The following UBE2E2 variants were observed in gnomAD, a reference collection of about 807,000 sequenced individuals.
UBE2E2 encodes ubiquitin conjugating enzyme E2 E2.
UBE2E2 carries 6 observed loss-of-function variants against 24.7 expected under a neutral mutation model. The observed-to-expected ratio is 0.24, with a 90% CI of 0.13 to 0.48. The LOEUF is 0.48. UBE2E2 is among the 20% of genes least tolerant of loss of function. The pLI, the probability that UBE2E2 is intolerant of heterozygous loss-of-function variation, is 0.99. For missense variants in UBE2E2, 169 were observed against 245.0 expected (o/e 0.69, Z 2.07); for synonymous variants, 104 against 83.6 (o/e 1.24, Z -1.33).
chr3:23,465,725 C>T (rs1698906963), intron 3 of UBE2E2, among the ~76,000 whole-genome samples: 2 of 152,202 alleles, frequency 1.3e-5, no homozygotes, highest in African/African-American at 4.8e-5. Context: ...GCATAACTGG[C>T]TTTTTTCCTT....
intron 3 of UBE2E2, among the ~76,000 whole-genome samples, chr3:23,317,918 C>T (rs1442125369): frequency 6.6e-6 from 1 of 151,732 alleles, no homozygotes; most frequent in African/African-American, 2.4e-5. Context: ...TGTGATCGCT[C>T]ACCTGATTTT....
intron 5 of UBE2E2, among the ~76,000 whole-genome samples, chr3:23,574,980 G>A (rs944505458): frequency 2.6e-5 from 4 of 152,138 alleles, no homozygotes; most frequent in Non-Finnish European, 4.4e-5. Context: ...CAAAGGAAAT[G>A]CGCATTGGAG....
chr3:23,492,252 A>G (rs1699515609), intron 3 of UBE2E2, among the ~76,000 whole-genome samples: 1 of 152,202 alleles, frequency 6.6e-6, no homozygotes, highest in Non-Finnish European at 1.5e-5. Flanking sequence ...GGTGCAATAT[A>G]TAGTTTGAAT....
chr3:23,295,788 G>T (rs1698892183), intron 3 of UBE2E2, among the ~76,000 whole-genome samples: 1 of 152,084 alleles, frequency 6.6e-6, no homozygotes, highest in Non-Finnish European at 1.5e-5. Flanking sequence ...TCTAGGGATT[G>T]CCTTAAAGCT....
chr3:23,549,572 A>G (rs1695597007), intron 5 of UBE2E2, among the ~76,000 whole-genome samples: 1 of 152,174 alleles, frequency 6.6e-6, no homozygotes, highest in Non-Finnish European at 1.5e-5. Context: ...TGAATTAAAG[A>G]TTGTACTTCT....
intron 3 of UBE2E2, among the ~76,000 whole-genome samples, chr3:23,338,416 A>G (rs1695275233): frequency 6.6e-6 from 1 of 152,182 alleles, no homozygotes; most frequent in South Asian, 2.1e-4. Context: ...GAATGGAGAT[A>G]AAGAGAAGGT....
intron 3 of UBE2E2, among the ~76,000 whole-genome samples, chr3:23,250,903 G>A (rs1408801895): frequency 6.6e-6 from 1 of 152,226 alleles, no homozygotes; most frequent in East Asian, 1.9e-4. Context: ...TGTCGCCCAG[G>A]CTGGCATGCA....
At chr3:23,458,658 C>T (rs977943622) in intron 3 of UBE2E2, among the ~76,000 whole-genome samples, 10 of 152,062 alleles carry the variant, frequency 6.6e-5, no homozygotes, top group African/African-American at 2.2e-4. Context: ...ACCTCGTGAT[C>T]CGCCCACCTC....
intron 3 of UBE2E2, among the ~76,000 whole-genome samples, chr3:23,430,006 A>G (rs1698020144): frequency 6.6e-6 from 1 of 152,100 alleles, no homozygotes; most frequent in South Asian, 2.1e-4. Flanking sequence ...TCAGCCTCCC[A>G]TGCAGCTGGG....
At chr3:23,544,999 T>G (rs1695485154) in intron 5 of UBE2E2, among the ~76,000 whole-genome samples, 1 of 152,198 alleles carries the variant, frequency 6.6e-6, no homozygotes, top group African/African-American at 2.4e-5. Context: ...CATAAACATC[T>G]CAATGCTTTA....
chr3:23,330,395 A>G (rs1471477233), intron 3 of UBE2E2, among the ~76,000 whole-genome samples: 1 of 152,252 alleles, frequency 6.6e-6, no homozygotes, highest in Non-Finnish European at 1.5e-5. Flanking sequence ...GAATCCTTAC[A>G]AAAGTAAACT....
chr3:23,478,385 TCACC>T (rs1205950405), intron 3 of UBE2E2, among the ~76,000 whole-genome samples: 1 of 152,124 alleles, frequency 6.6e-6, no homozygotes. Context: ...AACAGACTGA[TCACC>T]AAAGGAAATT....
intron 3 of UBE2E2, among the ~76,000 whole-genome samples, chr3:23,261,370 T>A (rs1697897489): frequency 1.3e-5 from 2 of 152,200 alleles, no homozygotes; most frequent in African/African-American, 4.8e-5. Flanking sequence ...GTATATGACA[T>A]GGTGATTTGA....
intron 3 of UBE2E2, among the ~76,000 whole-genome samples, chr3:23,498,864 C>T (rs936564593): frequency 6.6e-6 from 1 of 152,042 alleles, no homozygotes; most frequent in Non-Finnish European, 1.5e-5. Flanking sequence ...CTCATGTGGG[C>T]CATATTGTTT....
intron 3 of UBE2E2, among the ~76,000 whole-genome samples, chr3:23,485,854 A>T (rs772337073): frequency 6.6e-6 from 1 of 152,200 alleles, no homozygotes; most frequent in Non-Finnish European, 1.5e-5. Flanking sequence ...AGAAAATGGA[A>T]ATTAGAGCCT....
At chr3:23,450,790 A>T (rs1698546226) in intron 3 of UBE2E2, among the ~76,000 whole-genome samples, 1 of 152,146 alleles carries the variant, frequency 6.6e-6, no homozygotes, top group African/African-American at 2.4e-5. Flanking sequence ...TTTCTTTTTA[A>T]TGAGAATATA....
chr3:23,456,326 C>T (rs1184222086), intron 3 of UBE2E2, among the ~76,000 whole-genome samples: 2 of 152,180 alleles, frequency 1.3e-5, no homozygotes, highest in African/African-American at 2.4e-5. Flanking sequence ...ATATTTTGAC[C>T]TCATCTCATG....
rs10645761 is a variant in UBE2E2, at chr3:23,382,178, A to ATTTTT, written c.228-117413_228-117409dup. ...ACTCTTCATAATTACGAATACTTTA[A>ATTTTT]TTTTTTTTTTTTTTTTTTTTTGAGA... On this transcript the variant is annotated intron_variant, in intron 3 of 5. Coordinates refer to ENST00000396703, the MANE Select transcript of UBE2E2 (RefSeq NM_152653.4). Among the ~76,000 whole-genome samples the ATTTTT allele has an allele frequency of 7.0e-3, 773 of 110,662 alleles. 12 individuals carry two copies. The highest frequency in any genetic ancestry group is 9.3e-3 in the Admixed American group (79 of 8,492). 72.6% of individuals were successfully genotyped at this position (110,662 alleles called of 152,430 possible).
intron 3 of UBE2E2, among the ~76,000 whole-genome samples, chr3:23,467,454 G>T (rs1698944382): frequency 6.6e-6 from 1 of 152,194 alleles, no homozygotes; most frequent in African/African-American, 2.4e-5. Flanking sequence ...ACTTCTCACT[G>T]CTCTATGACT....
Sources: allele counts gnomAD v4.1 joint callset (sites outside exome capture counted in the v4.1 genomes callset), GRCh38; gene constraint gnomAD v4.1.1; transcripts MANE v1.5; gene names NCBI Gene and HGNC (gene_info 2026-07-23, HGNC 2026-07-21).